The following LRMDA variants were observed in gnomAD, a reference collection of about 807,000 sequenced individuals.
The protein encoded by LRMDA is leucine rich melanocyte differentiation associated.
A neutral mutation model predicts 29.8 loss-of-function variants in LRMDA; 18 were observed. The observed-to-expected ratio is 0.60, with a 90% CI of 0.42 to 0.90. LRMDA has a LOEUF of 0.90. Among genes scored for constraint, LRMDA ranks in the 40% least tolerant of loss-of-function variants. The pLI is 0.00. For synonymous variants in LRMDA, 125 were observed against 109.4 expected (o/e 1.14, Z -0.89); for missense variants, 273 against 273.9 (o/e 1.00, Z 0.02).
chr10:75,845,729 A>G (rs1395653573), intron 2 of LRMDA, among the ~76,000 whole-genome samples: 1 of 152,164 alleles, frequency 6.6e-6, no homozygotes, highest in Non-Finnish European at 1.5e-5. Flanking sequence ...CATGTTTTGT[A>G]ACTATGTCAC....
intron 5 of LRMDA, among the ~76,000 whole-genome samples, chr10:76,175,512 C>A (rs1458531426): frequency 6.6e-6 from 1 of 152,174 alleles, no homozygotes; most frequent in Non-Finnish European, 1.5e-5. Context: ...GTGGTCATTA[C>A]TGTTGTTAAC....
chr10:76,131,194 C>G (rs1239802199), intron 5 of LRMDA, among the ~76,000 whole-genome samples: 2 of 152,170 alleles, frequency 1.3e-5, no homozygotes, highest in Non-Finnish European at 2.9e-5. Flanking sequence ...CTGCTTGTCA[C>G]AAATGCTTTT....
At chr10:75,524,111 A>G (rs1234242689) in intron 2 of LRMDA, among the ~76,000 whole-genome samples, 5 of 152,220 alleles carry the variant, frequency 3.3e-5, no homozygotes, top group Non-Finnish European at 7.3e-5. Context: ...ATACAAATGT[A>G]AATTATTATT....
intron 5 of LRMDA, among the ~76,000 whole-genome samples, chr10:76,190,370 G>T (rs1234217824): frequency 6.6e-6 from 1 of 152,066 alleles, no homozygotes; most frequent in Non-Finnish European, 1.5e-5. Context: ...GGGGGTCTAG[G>T]GATTAAATGA....
At chr10:76,476,352 A>G (rs576074346) in intron 6 of LRMDA, among the ~76,000 whole-genome samples, 1 of 152,276 alleles carries the variant, frequency 6.6e-6, no homozygotes, top group Non-Finnish European at 1.5e-5. Context: ...TAAACCAGGA[A>G]GAAGCAAAAT....
chr10:76,515,672 A>T (rs1843053403), intron 6 of LRMDA, among the ~76,000 whole-genome samples: 1 of 151,932 alleles, frequency 6.6e-6, no homozygotes, highest in Non-Finnish European at 1.5e-5. Flanking sequence ...CACCCAGCAA[A>T]TTTTTGTATT....
At chr10:75,829,002 A>G (rs1844293368) in intron 2 of LRMDA, among the ~76,000 whole-genome samples, 1 of 152,170 alleles carries the variant, frequency 6.6e-6, no homozygotes, top group East Asian at 1.9e-4. Context: ...CAGCCAGTCA[A>G]GGTGAAGGAC....
At chr10:75,592,663 G>T (rs999949090) in intron 2 of LRMDA, among the ~76,000 whole-genome samples, 1 of 152,202 alleles carries the variant, frequency 6.6e-6, no homozygotes, top group Non-Finnish European at 1.5e-5. Flanking sequence ...CGTCTGACGC[G>T]GCAGCCCCCC....
intron 2 of LRMDA, among the ~76,000 whole-genome samples, chr10:75,830,734 T>C (rs1372534149): frequency 6.6e-6 from 1 of 152,142 alleles, no homozygotes; most frequent in Non-Finnish European, 1.5e-5. Flanking sequence ...AGTCAAACTA[T>C]ATCATTCTGC....
intron 6 of LRMDA, among the ~76,000 whole-genome samples, chr10:76,509,237 C>A: frequency 6.6e-6 from 1 of 152,100 alleles, no homozygotes; most frequent in East Asian, 1.9e-4. Context: ...AATGTCACTC[C>A]TTCCTGTGCA....
At chr10:76,454,670 C>T (rs1842439954) in intron 6 of LRMDA, among the ~76,000 whole-genome samples, 2 of 137,030 alleles carry the variant, frequency 1.5e-5, no homozygotes, top group Admixed American at 1.6e-4. Context: ...CTTCCATTTC[C>T]TTTCCCTGGG....
chr10:75,940,500 C>G (rs1262148658), intron 2 of LRMDA, among the ~76,000 whole-genome samples: 1 of 152,146 alleles, frequency 6.6e-6, no homozygotes, highest in Non-Finnish European at 1.5e-5. Flanking sequence ...CTGGTTTCCA[C>G]CAACTAAAAG....
At chr10:76,310,119 C>T (rs1294535010) in intron 5 of LRMDA, among the ~76,000 whole-genome samples, 1 of 152,140 alleles carries the variant, frequency 6.6e-6, no homozygotes, top group East Asian at 1.9e-4. Flanking sequence ...CACAGTTACA[C>T]CTTATCTACA....
intron 2 of LRMDA, among the ~76,000 whole-genome samples, chr10:75,856,931 C>T (rs1164292078): frequency 2.0e-5 from 3 of 152,162 alleles, no homozygotes. Flanking sequence ...ATTTAGAAAA[C>T]CCCATTGTCT....
intron 2 of LRMDA, among the ~76,000 whole-genome samples, chr10:75,538,573 A>T (rs1178896774): frequency 6.6e-6 from 1 of 151,984 alleles, no homozygotes; most frequent in Non-Finnish European, 1.5e-5. Flanking sequence ...TGAAGTGAAA[A>T]TGTCTCAGAT....
intron 2 of LRMDA, among the ~76,000 whole-genome samples, chr10:75,697,198 G>C (rs1048577415): frequency 2.6e-5 from 4 of 152,078 alleles, no homozygotes; most frequent in Admixed American, 1.3e-4. Flanking sequence ...TATATACCTG[G>C]CCCCCTTTAA....
chr10:76,060,917 C>T (rs921993503), intron 5 of LRMDA, among the ~76,000 whole-genome samples: 1 of 152,118 alleles, frequency 6.6e-6, no homozygotes, highest in African/African-American at 2.4e-5. Context: ...CTTTAAAAAG[C>T]CTGTTAAGGT....
intron 2 of LRMDA, among the ~76,000 whole-genome samples, chr10:75,650,903 A>G (rs1335164743): frequency 6.6e-6 from 1 of 152,148 alleles, no homozygotes; most frequent in East Asian, 1.9e-4. Context: ...GAGAACTCTC[A>G]TCAGCATTAT....
chr10:75,981,850 CA>C (rs10570078), intron 2 of LRMDA, among the ~76,000 whole-genome samples: 86,621 of 116,244 alleles, frequency 0.75, 32,265 homozygotes, highest in South Asian at 0.85. Flanking sequence ...GACTCCATCT[CA>C]AAAAAAAAAA....
Sources: allele counts gnomAD v4.1 joint callset (sites outside exome capture counted in the v4.1 genomes callset), GRCh38; gene constraint gnomAD v4.1.1; transcripts MANE v1.5; gene names NCBI Gene and HGNC (gene_info 2026-07-23, HGNC 2026-07-21).